The following ZNF320 variants were observed in gnomAD, a reference collection of about 807,000 sequenced individuals.
The protein encoded by ZNF320 is zinc finger gene 320.
Under a neutral mutation model 6.8 loss-of-function variants are expected in ZNF320, and 2 were observed. That is an observed-to-expected ratio of 0.29 (90% CI 0.12 to 0.93). The LOEUF (loss-of-function observed/expected upper bound fraction) is 0.93, where lower values mean the gene tolerates loss of function less well. Ranked by LOEUF, ZNF320 falls within the 40% of genes least tolerant of loss-of-function variation. The pLI, the probability that ZNF320 is intolerant of heterozygous loss-of-function variation, is 0.55. For synonymous variants in ZNF320, 208 were observed against 203.2 expected (o/e 1.02, Z -0.20); for missense variants, 472 against 611.0 (o/e 0.77, Z 2.40).
chr19:52,900,245 C>T (rs970341486), upstream of ZNF320, among the ~76,000 whole-genome samples: 6 of 152,272 alleles, frequency 3.9e-5, no homozygotes, highest in African/African-American at 1.4e-4. Context: ...GTAACTGGAA[C>T]TTTAGTATGT....
chr19:52,899,682 T>C (rs192192524), upstream of ZNF320, among the ~76,000 whole-genome samples: 667 of 152,198 alleles, frequency 4.4e-3, 1 homozygote, highest in Non-Finnish European at 7.7e-3. Context: ...AGGATGGTCT[T>C]GATCTCCTGA....
intron 5 of ZNF320, among the ~76,000 whole-genome samples, chr19:52,870,987 A>T (rs112980811): frequency 0.027 from 4,054 of 152,044 alleles, 176 homozygotes; most frequent in African/African-American, 0.092. Context: ...TCTACTAAGA[A>T]TACAAAAAAA....
At chr19:52,898,336 G>C (rs967322777), upstream of ZNF320, among the ~76,000 whole-genome samples, 1 of 152,158 alleles carries the variant, frequency 6.6e-6, no homozygotes, top group Admixed American at 6.5e-5. Flanking sequence ...CTTAAACACA[G>C]CAGGGATGTG....
intron 1 of ZNF320, among the ~76,000 whole-genome samples, chr19:52,894,500 A>C (rs953698136): frequency 5.9e-5 from 9 of 152,204 alleles, no homozygotes; most frequent in Admixed American, 5.2e-4. Flanking sequence ...AATCCTAAAC[A>C]TGTAATTATT....
At position 52,881,842 on chromosome 19, in the gene ZNF320, T is replaced by A; in HGVS notation, c.284A>T (p.His95Leu). 6.2e-7 allele frequency: 1 copy of A among 1,613,970 alleles called. No homozygotes were observed. The highest frequency in any genetic ancestry group is 1.1e-5 in the South Asian group (1 of 91,058). Residue 95 changes from histidine (H) to leucine (L), a missense_variant, in exon 6 of 6, where the codon CAT becomes CTT. His to Leu is a moderately conservative substitution (Grantham distance 99). Transcript: ENST00000682928. ...FCSQEIEKDI[H>L]DFVFQWQEDE... ...TTCTTGCCACTGAAACACAAAGTCA[T>A]GAATGTCTTTCTCAATTTCCTGGGA...
chr19:52,870,577 T>A (rs897294966), intron 5 of ZNF320, among the ~76,000 whole-genome samples: 2 of 151,950 alleles, frequency 1.3e-5, no homozygotes, highest in African/African-American at 4.8e-5. Flanking sequence ...AACCATAGGT[T>A]TATCCATCCA....
chr19:52,869,192 C>A (rs2147779871), intron 5 of ZNF320, among the ~76,000 whole-genome samples: 1 of 152,014 alleles, frequency 6.6e-6, no homozygotes, highest in East Asian at 1.9e-4. Context: ...AAATATTGAC[C>A]CAAGGTTAAA....
downstream of ZNF320, among the ~76,000 whole-genome samples, chr19:52,859,966 G>A (rs2063477450): frequency 6.9e-6 from 1 of 145,386 alleles, no homozygotes; most frequent in Admixed American, 7.0e-5. Flanking sequence ...AGGCTGGAAT[G>A]CAGTGGCGCA....
downstream of ZNF320, among the ~76,000 whole-genome samples, chr19:52,875,183 G>A (rs115751077): frequency 0.013 from 1,927 of 152,288 alleles, 38 homozygotes; most frequent in African/African-American, 0.044. Flanking sequence ...GTTTGGCTAA[G>A]CTTCCAGAAA....
upstream of ZNF320, among the ~76,000 whole-genome samples, chr19:52,901,067 TAGAAAA>T (rs1349883266): frequency 6.6e-6 from 1 of 152,180 alleles, no homozygotes; most frequent in Admixed American, 6.5e-5. Context: ...TTGTGTCACT[TAGAAAA>T]AGACTAGTCT....
intron 5 of ZNF320, among the ~76,000 whole-genome samples, chr19:52,871,012 T>C (rs2063671307): frequency 6.6e-6 from 1 of 151,978 alleles, no homozygotes; most frequent in South Asian, 2.1e-4. Context: ...CCAGGCATGG[T>C]GGCACATGCC....
Position 52,881,714 on chromosome 19 carries a change from C to T in ZNF320, c.412G>A (p.Gly138Ser), listed in dbSNP as rs748742438. 6.2e-7 allele frequency: 1 copy of T among 1,613,962 alleles called. No individual in the cohort carries two copies. Among genetic ancestry groups the T allele is most frequent in the South Asian group, 1.1e-5 (1 of 91,078 alleles). Residue 138 changes from glycine (G) to serine (S), a missense_variant, in exon 6 of 6, where the codon GGT becomes AGT. Gly to Ser is a moderately conservative substitution (Grantham distance 56, BLOSUM62 0). Coordinates refer to ENST00000682928, the MANE Select transcript of ZNF320 (RefSeq NM_001351774.2). ...QRHAGNKPIK[G>S]QLESRFHLHL... ...AAATGAAATCTTGATTCAAGCTGAC[C>T]TTTAATAGGCTTGTTTCCAGCATGC... is the stretch of plus-strand genomic sequence containing the variant.
chr19:52,898,711 C>T (rs531497038), upstream of ZNF320, among the ~76,000 whole-genome samples: 18 of 152,258 alleles, frequency 1.2e-4, no homozygotes, highest in Non-Finnish European at 2.5e-4. Flanking sequence ...TTGATTTGAG[C>T]GAGCAGGCGG....
chr19:52,877,240 A>C lies in ZNF320; in HGVS notation c.*3356T>G, dbSNP rs2063790525. The C allele has an allele frequency of 6.6e-6, 1 of 152,274 alleles. No homozygotes were observed. The highest frequency in any genetic ancestry group is 1.5e-5 in the Non-Finnish European group (1 of 68,084). 9.4% of individuals were successfully genotyped at this position (152,274 alleles called of 1,614,324 possible). Reference sequence around the variant, plus strand: ...TGTTGAGGCTGCAGTTTGGTTTCACACATTTTACAGACACACGAGACAGCA... The same window carrying C: ...TGTTGAGGCTGCAGTTTGGTTTCACCCATTTTACAGACACACGAGACAGCA... On this transcript the variant is annotated 3_prime_UTR_variant, in exon 6 of 6. Transcript: ENST00000682928.
chr19:52,882,004 TAGGTTTCCAATTA>T (rs1235145372), intron 5 of ZNF320, 21 bp from the exon 6 acceptor site: 5 of 1,592,684 alleles, frequency 3.1e-6, no homozygotes, highest in Non-Finnish European at 4.3e-6. Context: ...TAAACACCAA[TAGGTTTCCAATTA>T]AGTACAGATG....
downstream of ZNF320, among the ~76,000 whole-genome samples, chr19:52,860,375 G>T (rs951392019): frequency 6.6e-6 from 1 of 152,036 alleles, no homozygotes; most frequent in African/African-American, 2.4e-5. Flanking sequence ...GTACCAGGGG[G>T]ATCACCTGAG....
chr19:52,874,521 A>G (rs1287628187), downstream of ZNF320, among the ~76,000 whole-genome samples: 2 of 152,206 alleles, frequency 1.3e-5, no homozygotes, highest in Non-Finnish European at 2.9e-5. Context: ...CTGATAAAAC[A>G]GCATAAAAGA....
chr19:52,895,968 T>C (rs1361521474), intron 1 of ZNF320, among the ~76,000 whole-genome samples: 2 of 152,148 alleles, frequency 1.3e-5, no homozygotes, highest in African/African-American at 4.8e-5. Flanking sequence ...GTTAAAAATA[T>C]ATACATCTAA....
intron 5 of ZNF320, among the ~76,000 whole-genome samples, chr19:52,867,030 T>C (rs1320952138): frequency 1.3e-5 from 2 of 151,876 alleles, no homozygotes; most frequent in Admixed American, 6.6e-5. Context: ...ATATAAAACA[T>C]AGAATGTGTA....
Sources: gnomAD v4.1 joint callset for allele counts (sites outside exome capture counted in the v4.1 genomes callset) on GRCh38, gnomAD v4.1.1 for gene constraint, MANE v1.5 for transcripts, NCBI Gene and HGNC (gene_info 2026-07-23, HGNC 2026-07-21) for gene names.